Variants in RNASEH2B observed in about 807,000 individuals in gnomAD.
The protein encoded by RNASEH2B is ribonuclease H2 subunit B.
Under a neutral mutation model 45.0 loss-of-function variants are expected in RNASEH2B, and 36 were observed. The ratio of observed to expected loss-of-function variants is 0.80; its 90% CI spans 0.61 to 1.06. The LOEUF (loss-of-function observed/expected upper bound fraction) is 1.06. Ranked by LOEUF, RNASEH2B falls within the 50% of genes least tolerant of loss-of-function variation. The pLI is 0.00. For missense variants in RNASEH2B, 361 were observed against 360.3 expected, an observed-to-expected ratio of 1.00 and a Z score of -0.02; for synonymous variants, 119 against 125.7, an observed-to-expected ratio of 0.95 and a Z score of 0.35.
chr13:50,970,335 C>T (rs1462052693), exon 10 of RNASEH2B: 4 of 471,366 alleles, frequency 8.5e-6, no homozygotes, highest in Non-Finnish European at 1.1e-5. Context: ...CAAGTTTCAA[C>T]CCTTACTTTA....
At position 50,939,942 on chromosome 13, in the gene RNASEH2B, G is replaced by C. The variant is rs1342827511; in HGVS notation, c.437-3379G>C. Among the ~76,000 whole-genome samples, 4 of 152,068 alleles carry C rather than the reference G, an allele frequency of 2.6e-5. No individual in the cohort carries two copies. The East Asian group carries it at 7.7e-4, about 29-fold the overall frequency. ...ATCAAAAGTATTCTCTTTTGTTTTT[G>C]AAAAATGCCATTAAGAAAAAAGGAG... On this transcript the variant is annotated intron_variant, in intron 5 of 10. Transcript: ENST00000336617.
Position 50,930,706 on chromosome 13 carries a change from C to T in RNASEH2B, c.268C>T (p.Pro90Ser), listed in dbSNP as rs746338829. ...QSGGLLHFAT[P>S]VDPLFLLLHY... ...AGGAGGTCTTCTCCATTTTGCCACACCTGTGGATCCTCTATTTCTGCTTCT... is the reference window on the plus strand; with the variant it reads ...AGGAGGTCTTCTCCATTTTGCCACATCTGTGGATCCTCTATTTCTGCTTCT... Residue 90 changes from proline to serine, a missense_variant, in exon 4 of 11, where the codon CCT (proline) becomes TCT (serine). Coordinates refer to ENST00000336617, the MANE Select transcript of RNASEH2B (RefSeq NM_024570.4). 1.9e-6 allele frequency: 3 copies of T among 1,613,790 alleles called. No homozygotes were observed. In the Admixed American group the frequency reaches 5.0e-5, roughly 27 times the overall value.
chr13:50,914,300 G>A (rs372155992), intron 1 of RNASEH2B, among the ~76,000 whole-genome samples: 45 of 152,122 alleles, frequency 3.0e-4, no homozygotes, highest in African/African-American at 9.7e-4. Context: ...CGGTATGTAT[G>A]TATATGTTTG....
At chr13:50,933,125 T>A (rs1420452619) in intron 4 of RNASEH2B, among the ~76,000 whole-genome samples, 3 of 152,226 alleles carry the variant, frequency 2.0e-5, no homozygotes, top group African/African-American at 7.2e-5. Context: ...AGGGAGGAAT[T>A]TGTAAACCTC....
At chr13:50,929,614 T>A in intron 3 of RNASEH2B, 32 bp downstream of exon 3, 1 of 1,319,308 alleles carries the variant, frequency 7.6e-7, no homozygotes, top group East Asian at 2.3e-5. Flanking sequence ...TTCCAATAAC[T>A]AAACACATAC....
At chr13:50,912,648 T>A (rs1486837261) in intron 1 of RNASEH2B, 1 of 152,244 alleles carries the variant, frequency 6.6e-6, no homozygotes, top group Non-Finnish European at 1.5e-5. Context: ...CGATATGCCC[T>A]TGGCTGAGGG....
rs1286294581 is a variant in RNASEH2B at position 50,945,559 on chromosome 13, A to AT, written c.616+32dup. On this transcript the variant is annotated intron_variant, in intron 7 of 10. Transcript: ENST00000336617. ...TAAGTAAAGCATTTTATCAGAAAAG[A>AT]TTTTTGTCTGGAGTAAGTTGCTTAT... 5 of 1,527,292 alleles carry AT rather than the reference A, an allele frequency of 3.3e-6. No individual in the cohort carries two copies. The Admixed American group carries it at 6.7e-5, about 20-fold the overall frequency. 94.6% of individuals were successfully genotyped at this position (1,527,292 alleles called of 1,614,324 possible). A position where few individuals can be genotyped will look rare whatever the true frequency, so the allele number is the denominator to read the frequency against.
intron 1 of RNASEH2B, among the ~76,000 whole-genome samples, chr13:50,922,406 G>A (rs547245707): frequency 9.2e-5 from 14 of 152,266 alleles, no homozygotes; most frequent in East Asian, 7.7e-4. Context: ...TATGAGGTCC[G>A]GAGAAGGCAA....
chr13:50,967,706 C>A (rs2138045763), intron 9 of RNASEH2B, among the ~76,000 whole-genome samples: 1 of 152,280 alleles, frequency 6.6e-6, no homozygotes, highest in African/African-American at 2.4e-5. Context: ...TGAAAGACAA[C>A]CTTTTCACAT....
intron 8 of RNASEH2B, 50 bp downstream of exon 8, chr13:50,948,118 T>A (rs1215180321): frequency 1.9e-6 from 3 of 1,604,040 alleles, no homozygotes; most frequent in Non-Finnish European, 2.5e-6. Flanking sequence ...TGCTTCTTGG[T>A]TTCCCCAGCA....
downstream of RNASEH2B, among the ~76,000 whole-genome samples, chr13:50,958,220 T>C (rs1300278955): frequency 6.6e-6 from 1 of 152,244 alleles, no homozygotes; most frequent in Non-Finnish European, 1.5e-5. Flanking sequence ...TTTTATAGCT[T>C]GAGGTCTTAC....
chr13:50,925,221 T>C (rs1006934394), intron 1 of RNASEH2B, among the ~76,000 whole-genome samples: 2 of 152,188 alleles, frequency 1.3e-5, no homozygotes, highest in Non-Finnish European at 2.9e-5. Flanking sequence ...TATTTTTTTT[T>C]TGCAATCTTC....
chr13:50,952,136 C>G (rs1374828014), intron 9 of RNASEH2B: 1 of 152,168 alleles, frequency 6.6e-6, no homozygotes, highest in African/African-American at 2.4e-5. Context: ...AGCCACCGCA[C>G]TCCAGCCTGG....
intron 1 of RNASEH2B, chr13:50,927,127 C>T: frequency 1.0e-5 from 4 of 382,414 alleles, no homozygotes; most frequent in South Asian, 9.0e-5. Flanking sequence ...GGTGACAAAG[C>T]TATCCAAGTG....
At chr13:50,962,261 A>G (rs1263980555) in intron 9 of RNASEH2B, among the ~76,000 whole-genome samples, 2 of 152,184 alleles carry the variant, frequency 1.3e-5, no homozygotes, top group Non-Finnish European at 2.9e-5. Flanking sequence ...ATTTTCTGAA[A>G]GAGTTTGTGT....
chr13:50,954,136 T>C (rs1952012819), intron 10 of RNASEH2B, 151 bp downstream of exon 10: 1 of 685,034 alleles, frequency 1.5e-6, no homozygotes, highest in Non-Finnish European at 2.7e-6. Flanking sequence ...AATTAAGAAT[T>C]GCATATGACA....
At chr13:50,920,293 C>T (rs1446746055) in intron 1 of RNASEH2B, among the ~76,000 whole-genome samples, 1 of 152,196 alleles carries the variant, frequency 6.6e-6, no homozygotes, top group Non-Finnish European at 1.5e-5. Context: ...GATCTGCCTG[C>T]CTCAGCCTGA....
intron 5 of RNASEH2B, among the ~76,000 whole-genome samples, chr13:50,939,746 T>C (rs1204108573): frequency 6.6e-6 from 1 of 152,116 alleles, no homozygotes; most frequent in East Asian, 1.9e-4. Context: ...ACGTTGATTC[T>C]TACCTCATAC....
Position 50,922,707 on chromosome 13 carries a change from A to G in RNASEH2B, c.65-4700A>G, listed in dbSNP as rs530962518. 1.2e-4 allele frequency among the ~76,000 whole-genome samples: 18 copies of G among 152,368 alleles called. No individual in the cohort carries two copies. In the South Asian group the frequency reaches 3.7e-3, roughly 32 times the overall value. ...TGGGAGAGGAGAGTCTGATTTCCAGAATTGCCACATTTGTTATTATCTGAA... is the reference window on the plus strand; with the variant it reads ...TGGGAGAGGAGAGTCTGATTTCCAGGATTGCCACATTTGTTATTATCTGAA... On this transcript the variant is annotated intron_variant, in intron 1 of 10. Transcript: ENST00000336617.
Sources: gnomAD v4.1 joint callset for allele counts (sites outside exome capture counted in the v4.1 genomes callset) on GRCh38, gnomAD v4.1.1 for gene constraint, MANE v1.5 for transcripts, NCBI Gene and HGNC (gene_info 2026-07-23, HGNC 2026-07-21) for gene names.